The following PRKAA2 variants were observed in gnomAD, a reference collection of about 807,000 sequenced individuals.
PRKAA2 encodes the protein 5'-AMP-activated protein kinase catalytic subunit alpha-2.
PRKAA2 carries 40 observed loss-of-function variants against 56.3 expected under a neutral mutation model. The ratio of observed to expected loss-of-function variants is 0.71; its 90% CI spans 0.55 to 0.92. PRKAA2 has a LOEUF of 0.92. Ranked by LOEUF, PRKAA2 falls within the 40% of genes least tolerant of loss-of-function variation. The pLI is 0.00. For synonymous variants in PRKAA2, 214 were observed against 234.2 expected (o/e 0.91, Z 0.79); for missense variants, 542 against 686.9 (o/e 0.79, Z 2.36).
At position 56,645,354 on chromosome 1, in the gene PRKAA2, G is replaced by C. The variant is rs770982737; in HGVS notation, c.-34G>C. On this transcript the variant is annotated 5_prime_UTR_variant, in exon 1 of 9. Transcript: ENST00000371244. ...GGCGGCGGCGGCGGCTACGCGGAGC[G>C]GCAGGCGGTGGAGCGAGGCCGCGCG... 7.7e-6 allele frequency: 11 copies of C among 1,430,230 alleles called. No individual in the cohort carries two copies. The highest frequency in any genetic ancestry group is 9.3e-6 in the Non-Finnish European group (10 of 1,078,594). The allele number at this position is 1,430,230 out of a possible 1,614,324, so 88.6% of individuals were successfully genotyped here.
intron 1 of PRKAA2, among the ~76,000 whole-genome samples, chr1:56,672,386 G>A (rs926936215): frequency 3.9e-5 from 6 of 152,122 alleles, no homozygotes; most frequent in Non-Finnish European, 8.8e-5. Context: ...CAAAGTGCTG[G>A]GATTACAGGC....
chr1:56,704,150 C>A lies in PRKAA2; in HGVS notation c.968C>A (p.Ala323Asp), dbSNP rs1489151374. 6.2e-7 allele frequency: 1 copy of A among 1,614,104 alleles called. No homozygotes were observed. The highest frequency in any genetic ancestry group is 2.2e-5 in the East Asian group (1 of 44,870). The change falls in exon 7 of 9, where the codon GCT (alanine) becomes GAT (aspartate). Residue 323 changes from alanine (A) to aspartate (D), a missense_variant. Physicochemically the swap from Ala to Asp is moderately radical, Grantham distance 126 (BLOSUM62 -2). Around this residue, in one of 5 missense-constraint regions of PRKAA2, gnomAD observed 198 missense variants for 234.0 expected, o/e 0.85. Transcript: ENST00000371244. Reference sequence around the variant, plus strand: ...GACCCTCAAGACCAGCTTGCAGTGGCTTATCATCTTATCATTGACAATCGG... The same window carrying A: ...GACCCTCAAGACCAGCTTGCAGTGGATTATCATCTTATCATTGACAATCGG... ...SGDPQDQLAV[A>D]YHLIIDNRRI...
Position 56,707,752 on chromosome 1 carries a change from T to C in PRKAA2, c.*39T>C. The stretch of plus-strand genomic sequence containing the variant: ...TCTTTCTGTTATTGCACTATGAAAA[T>C]CAGTTATATTCTTTAAATTTTTATC... On this transcript the variant is annotated 3_prime_UTR_variant, in exon 9 of 9. Coordinates refer to ENST00000371244, the MANE Select transcript of PRKAA2 (RefSeq NM_006252.4). 1 of 1,479,320 alleles carries C rather than the reference T, an allele frequency of 6.8e-7. No homozygotes were observed. The highest frequency in any genetic ancestry group is 9.3e-7 in the Non-Finnish European group (1 of 1,072,404). 91.6% of individuals were successfully genotyped at this position (1,479,320 alleles called of 1,614,324 possible).
At chr1:56,645,601 G>T (rs1332023325) in intron 1 of PRKAA2, 120 bp downstream of exon 1, 3 of 885,658 alleles carry the variant, frequency 3.4e-6, no homozygotes, top group Admixed American at 4.9e-5. Flanking sequence ...GAGCGGTCCC[G>T]GGTCGCGCGG....
intron 2 of PRKAA2, among the ~76,000 whole-genome samples, chr1:56,685,789 A>G (rs993423550): frequency 6.6e-6 from 1 of 152,176 alleles, no homozygotes; most frequent in African/African-American, 2.4e-5. Context: ...AGAATGCAAG[A>G]AAAAAACAAC....
At position 56,696,160 on chromosome 1, in the gene PRKAA2, G is replaced by A. The variant is rs746047327; in HGVS notation, c.788+1G>A. On this transcript the variant is annotated splice_donor_variant, in intron 6 of 8. Coordinates refer to ENST00000371244, the MANE Select transcript of PRKAA2 (RefSeq NM_006252.4). LOFTEE classifies it high-confidence loss of function. Reference sequence around the variant, plus strand: ...AACGAGCAACTATCAAAGACATAAGGTGATTTTTCTTTTTGTTTCTGTTCT... The same window carrying A: ...AACGAGCAACTATCAAAGACATAAGATGATTTTTCTTTTTGTTTCTGTTCT... 6.2e-7 allele frequency: 1 copy of A among 1,604,794 alleles called. No individual in the cohort carries two copies. The highest frequency in any genetic ancestry group is 8.5e-7 in the Non-Finnish European group (1 of 1,173,486).
At chr1:56,658,955 C>T (rs949615050) in intron 1 of PRKAA2, among the ~76,000 whole-genome samples, 10 of 150,956 alleles carry the variant, frequency 6.6e-5, no homozygotes, top group South Asian at 4.2e-4. Flanking sequence ...CCACCATGCC[C>T]GGCTAATTTT....
chr1:56,670,118 G>T (rs1178350859), intron 1 of PRKAA2, among the ~76,000 whole-genome samples: 1 of 152,162 alleles, frequency 6.6e-6, no homozygotes, highest in Non-Finnish European at 1.5e-5. Context: ...CCAAAAAATT[G>T]TGTGGACTAT....
At chr1:56,703,696 C>G (rs1484077474) in intron 6 of PRKAA2, among the ~76,000 whole-genome samples, 1 of 152,164 alleles carries the variant, frequency 6.6e-6, no homozygotes, top group Non-Finnish European at 1.5e-5. Flanking sequence ...TGAATTTTAT[C>G]ATTGGCAACA....
chr1:56,683,722 A>C (rs925368191), intron 2 of PRKAA2, among the ~76,000 whole-genome samples: 5 of 152,158 alleles, frequency 3.3e-5, no homozygotes, highest in Admixed American at 6.5e-5. Flanking sequence ...AAGTGGGTGA[A>C]TGTTACACAT....
intron 5 of PRKAA2, among the ~76,000 whole-genome samples, 179 bp from the exon 6 acceptor site, chr1:56,695,756 C>A (rs932643660): frequency 4.6e-5 from 7 of 152,002 alleles, no homozygotes; most frequent in African/African-American, 1.4e-4. Context: ...TAGTAGTTGG[C>A]TAGCCCCATT....
At chr1:56,697,195 T>G (rs1644264649) in intron 6 of PRKAA2, among the ~76,000 whole-genome samples, 1 of 151,560 alleles carries the variant, frequency 6.6e-6, no homozygotes, top group South Asian at 2.1e-4. Context: ...TTTTAATTTT[T>G]TTATTTTTAG....
rs867148199 is a variant in PRKAA2 at position 56,672,109 on chromosome 1, T to C, written c.95-2272T>C. ...GAGGAGGAGAATGCTGAATGTGGTT[T>C]TTTTGTTTTTGTTTTTCATTTTTTT... On this transcript the variant is annotated intron_variant, in intron 1 of 8. Coordinates refer to ENST00000371244, the MANE Select transcript of PRKAA2 (RefSeq NM_006252.4). Among the ~76,000 whole-genome samples, 92 of 151,996 alleles carry C rather than the reference T, an allele frequency of 6.1e-4. 1 individual carries two copies. The Middle Eastern group carries it at 0.01, about 17-fold the overall frequency.
chr1:56,686,366 A>G (rs1320894267), intron 2 of PRKAA2, among the ~76,000 whole-genome samples: 3 of 152,202 alleles, frequency 2.0e-5, no homozygotes, highest in Non-Finnish European at 1.5e-5. Context: ...CAGCAGTTGC[A>G]CTCATCAGTG....
intron 2 of PRKAA2, among the ~76,000 whole-genome samples, chr1:56,689,447 G>A (rs1209432464): frequency 2.0e-5 from 3 of 152,156 alleles, no homozygotes; most frequent in South Asian, 2.1e-4. Context: ...GCCAGGCTTG[G>A]TGGCTCATGC....
chr1:56,698,873 G>A (rs1338737842), intron 6 of PRKAA2, among the ~76,000 whole-genome samples: 1 of 152,060 alleles, frequency 6.6e-6, no homozygotes, highest in Non-Finnish European at 1.5e-5. Flanking sequence ...TAATATAGTG[G>A]TAAACAAGAT....
At chr1:56,669,995 T>C (rs1207933834) in intron 1 of PRKAA2, among the ~76,000 whole-genome samples, 1 of 152,208 alleles carries the variant, frequency 6.6e-6, no homozygotes, top group African/African-American at 2.4e-5. Context: ...ATTTTTCCCC[T>C]CTTAAAATTC....
At chr1:56,687,964 A>C (rs140152156) in intron 2 of PRKAA2, among the ~76,000 whole-genome samples, 1 of 152,112 alleles carries the variant, frequency 6.6e-6, no homozygotes, top group Admixed American at 6.6e-5. Context: ...TTTCTGAAAA[A>C]TTTTTAAACT....
In PRKAA2 at chr1:56,696,070, C is replaced by A. The variant is rs1247967172; in HGVS notation, c.699C>A (p.Ile233=). The A allele has an allele frequency of 1.2e-6, 2 of 1,612,962 alleles. No individual in the cohort carries two copies. Among genetic ancestry groups the A allele is most frequent in the African/African-American group, 1.3e-5 (1 of 74,542 alleles). The part of the protein sequence containing the change: ...FKKIRGGVFY[I]PEYLNRSVAT... Reference sequence around the variant, plus strand: ...AGATCCGAGGGGGTGTCTTTTATATCCCAGAATATCTCAATCGTTCTGTCG... The same window carrying A: ...AGATCCGAGGGGGTGTCTTTTATATACCAGAATATCTCAATCGTTCTGTCG... The change falls in exon 6 of 9, where the codon ATC becomes ATA. Residue 233 remains isoleucine (I), a synonymous_variant. Coordinates refer to ENST00000371244, the MANE Select transcript of PRKAA2 (RefSeq NM_006252.4).
Sources: gnomAD v4.1 joint callset for allele counts (sites outside exome capture counted in the v4.1 genomes callset) on GRCh38, gnomAD v4.1.1 for gene constraint, gnomAD v4.1.1 regional missense constraint, MANE v1.5 for transcripts, NCBI Gene and HGNC (gene_info 2026-07-23, HGNC 2026-07-21) for gene names.